Variants in PTPN3 observed in about 807,000 individuals in gnomAD.
PTPN3 encodes the protein tyrosine-protein phosphatase non-receptor type 3.
In PTPN3, 96 loss-of-function variants were observed where a neutral mutation model predicts 132.7. The observed-to-expected ratio is 0.72, with a 90% CI of 0.61 to 0.86. PTPN3 has a LOEUF of 0.86. Ranked by LOEUF, PTPN3 falls within the 40% of genes least tolerant of loss-of-function variation. The pLI is 0.00. For missense variants in PTPN3, 1,125 were observed against 1,159.6 expected (o/e 0.97, Z 0.43); for synonymous variants, 398 against 429.0 (o/e 0.93, Z 0.89).
chr9:109,379,775 G>A, intron 25 of PTPN3, 142 bp from the exon 26 acceptor site: 1 of 707,126 alleles, frequency 1.4e-6, no homozygotes, highest in Non-Finnish European at 2.5e-6. Context: ...CACCTGTGAA[G>A]CCCTAGTTCC....
the PTPN3 span, among the ~76,000 whole-genome samples, chr9:109,522,348 G>A: frequency 2.6e-5 from 4 of 152,130 alleles, no homozygotes; most frequent in African/African-American, 2.4e-5. Context: ...AGACAGTTTC[G>A]AAGTCCAGGG....
chr9:109,443,230 C>A (rs935256981), intron 7 of PTPN3, among the ~76,000 whole-genome samples: 3 of 152,062 alleles, frequency 2.0e-5, no homozygotes, highest in African/African-American at 7.2e-5. Flanking sequence ...CACCGCACCA[C>A]CACACCCAGC....
intron 5 of PTPN3, chr9:109,449,964 C>T (rs1332814037): frequency 4.1e-6 from 4 of 985,206 alleles, no homozygotes; most frequent in Non-Finnish European, 3.6e-6. Context: ...ATCTCAGCCT[C>T]ATAACTCTGT....
chr9:109,523,543 A>G, the PTPN3 span, among the ~76,000 whole-genome samples: 1 of 152,268 alleles, frequency 6.6e-6, no homozygotes, highest in Non-Finnish European at 1.5e-5. Context: ...ATATTTCCCA[A>G]GGACTCCTTT....
chr9:109,471,061 C>CTTT (rs370759165), intron 1 of PTPN3, among the ~76,000 whole-genome samples: 1 of 143,596 alleles, frequency 7.0e-6, no homozygotes, highest in Non-Finnish European at 1.5e-5. Context: ...ACATACGCAT[C>CTTT]TTTTTTTTTT....
chr9:109,510,568 A>ATAT, the PTPN3 span, among the ~76,000 whole-genome samples: 1 of 36,138 alleles, frequency 2.8e-5, no homozygotes, highest in African/African-American at 8.1e-5. Flanking sequence ...TAAAAAAAAA[A>ATAT]AAAAAAAAAT....
chr9:109,507,073 C>T, the PTPN3 span, among the ~76,000 whole-genome samples: 2 of 152,196 alleles, frequency 1.3e-5, no homozygotes, highest in African/African-American at 4.8e-5. Flanking sequence ...CAAGCCAAGG[C>T]TCTACGACCA....
At chr9:109,391,051 G>T in intron 21 of PTPN3, 87 bp downstream of exon 21, 1 of 1,237,974 alleles carries the variant, frequency 8.1e-7, no homozygotes, top group Non-Finnish European at 1.2e-6. Context: ...AAAGCACTGT[G>T]TCAACTGCAA....
intron 7 of PTPN3, among the ~76,000 whole-genome samples, chr9:109,438,462 T>C (rs1353528927): frequency 6.6e-6 from 1 of 152,110 alleles, no homozygotes; most frequent in African/African-American, 2.4e-5. Context: ...AAATTCTCAT[T>C]CTCCCCAAGG....
intron 1 of PTPN3, among the ~76,000 whole-genome samples, chr9:109,482,094 C>T (rs959674252): frequency 3.9e-5 from 6 of 152,212 alleles, no homozygotes; most frequent in African/African-American, 7.2e-5. Context: ...AACTAATGCG[C>T]GCAGGGATTA....
chr9:109,417,716 C>T, intron 14 of PTPN3: 1 of 985,366 alleles, frequency 1.0e-6, no homozygotes, highest in Non-Finnish European at 1.2e-6. Flanking sequence ...GCTTTTCTGG[C>T]TGTTCATCCC....
Position 109,497,986 on chromosome 9 carries a change from C to CGGCGCCCCGCCCGCGCCCT in PTPN3, c.-18+214_-18+232dup, listed in dbSNP as rs1343492507. 7.7e-3 allele frequency among the ~76,000 whole-genome samples: 1,119 copies of CGGCGCCCCGCCCGCGCCCT among 146,176 alleles called. 12 individuals carry two copies. Among genetic ancestry groups the CGGCGCCCCGCCCGCGCCCT allele is most frequent in the African/African-American group, 0.026 (1,077 of 40,840 alleles). ...CAGCCCGCCCCGGCCGAGCCCCACC[C>CGGCGCCCCGCCCGCGCCCT]GGCGCCCCGCCCGCGCCCTCCCGCC... is the stretch of plus-strand genomic sequence containing the variant. On this transcript the variant is annotated intron_variant, in intron 1 of 25. Coordinates refer to ENST00000374541, the MANE Select transcript of PTPN3 (RefSeq NM_002829.4).
chr9:109,532,088 G>A, the PTPN3 span, among the ~76,000 whole-genome samples: 1 of 152,126 alleles, frequency 6.6e-6, no homozygotes, highest in African/African-American at 2.4e-5. Context: ...ATTTTAGAAG[G>A]GATTTTGGTG....
chr9:109,401,099 A>C (rs555676930), intron 19 of PTPN3, among the ~76,000 whole-genome samples: 136 of 152,384 alleles, frequency 8.9e-4, no homozygotes, highest in African/African-American at 3.2e-3. Flanking sequence ...TTCCTACTTA[A>C]ATATCCTACT....
chr9:109,479,180 A>G (rs557298787), intron 1 of PTPN3, among the ~76,000 whole-genome samples: 1 of 152,128 alleles, frequency 6.6e-6, no homozygotes, highest in East Asian at 1.9e-4. Flanking sequence ...CCATTAGGCA[A>G]TAACTCCCCA....
At chr9:109,380,218 T>TATCC (rs1329190725) in intron 25 of PTPN3, among the ~76,000 whole-genome samples, 3 of 103,180 alleles carry the variant, frequency 2.9e-5, no homozygotes, top group African/African-American at 1.0e-4. Context: ...TAGGAAAATC[T>TATCC]ATCTATCTAT....
At chr9:109,433,219 G>A in intron 9 of PTPN3, 58 bp from the exon 10 acceptor site, 1 of 1,603,406 alleles carries the variant, frequency 6.2e-7, no homozygotes, top group South Asian at 1.1e-5. Flanking sequence ...ATGCCCTCTG[G>A]TGACTTTAAA....
intron 11 of PTPN3, among the ~76,000 whole-genome samples, 199 bp from the exon 12 acceptor site, chr9:109,427,321 A>C (rs1843352146): frequency 6.6e-6 from 1 of 152,234 alleles, no homozygotes; most frequent in Non-Finnish European, 1.5e-5. Context: ...ATGGTAATAG[A>C]GATGACCAGA....
intron 1 of PTPN3, among the ~76,000 whole-genome samples, chr9:109,479,527 G>A (rs936034542): frequency 2.6e-5 from 4 of 152,162 alleles, no homozygotes; most frequent in Non-Finnish European, 5.9e-5. Context: ...ATTCTTTCAG[G>A]TATATACGTA....
Sources: gnomAD v4.1 joint callset for allele counts (sites outside exome capture counted in the v4.1 genomes callset) on GRCh38, gnomAD v4.1.1 for gene constraint, MANE v1.5 for transcripts, NCBI Gene and HGNC (gene_info 2026-07-23, HGNC 2026-07-21) for gene names.